CAPN7: variants seen among roughly 807,000 people sequenced by gnomAD.
CAPN7 encodes the protein calpain 7, also known as calpain-7.
CAPN7 carries 72 observed loss-of-function variants against 115.2 expected under a neutral mutation model. The ratio of observed to expected loss-of-function variants is 0.63; its 90% CI spans 0.52 to 0.76. CAPN7 has a LOEUF of 0.76. Among genes scored for constraint, CAPN7 ranks in the 30% least tolerant of loss-of-function variants. CAPN7 has a pLI of 0.00. For synonymous variants in CAPN7, 344 were observed against 322.3 expected (o/e 1.07, Z -0.72); for missense variants, 905 against 971.5 (o/e 0.93, Z 0.91).
intron 7 of CAPN7, 120 bp downstream of exon 7, chr3:15,228,085 A>C (rs1412430291): frequency 1.6e-6 from 1 of 622,766 alleles, no homozygotes; most frequent in Non-Finnish European, 2.4e-6. Flanking sequence ...TGTAATTGGA[A>C]AAATTGTTCA....
intron 9 of CAPN7, among the ~76,000 whole-genome samples, chr3:15,231,837 T>C (rs1694709822): frequency 6.6e-6 from 1 of 152,318 alleles, no homozygotes; most frequent in Middle Eastern, 3.4e-3. Flanking sequence ...CTCAGATCAC[T>C]TTTTAATATG....
chr3:15,217,734 G>T (rs939185543), intron 3 of CAPN7, 152 bp downstream of exon 3: 1 of 535,680 alleles, frequency 1.9e-6, no homozygotes, highest in Non-Finnish European at 3.0e-6. Flanking sequence ...ATAAGATGAT[G>T]AGTAGAAAGC....
chr3:15,248,982 C>T (rs536763034), intron 19 of CAPN7, among the ~76,000 whole-genome samples: 57 of 126,266 alleles, frequency 4.5e-4, no homozygotes, highest in Non-Finnish European at 7.9e-4. Context: ...GTTGACAGAG[C>T]GAGACCCTGT....
intron 19 of CAPN7, among the ~76,000 whole-genome samples, chr3:15,247,810 T>A (rs1347804087): frequency 6.6e-6 from 1 of 152,212 alleles, no homozygotes; most frequent in Admixed American, 6.5e-5. Flanking sequence ...TTTGTAAATA[T>A]GCTGCATTGA....
In CAPN7 at chr3:15,246,738, T is replaced by C. The variant is rs1204650618; in HGVS notation, c.2017T>C (p.Ser673Pro). ...AGTCTTTTTTTAAATCTAGGTATAT[T>C]CAGCATGCAGCTTTACTTTTTCAAA... ...NTIHYTVRVY[S>P]ACSFTFSKIP... The change falls in exon 18 of 21, where the codon TCA (serine) becomes CCA (proline). Residue 673 changes from serine (S) to proline (P), a missense_variant. Physicochemically the swap from Ser to Pro is moderately conservative, Grantham distance 74 (BLOSUM62 -1). Coordinates refer to ENST00000253693, the MANE Select transcript of CAPN7 (RefSeq NM_014296.3). The C allele has an allele frequency of 6.2e-7, 1 of 1,601,360 alleles. No homozygotes were observed. Among genetic ancestry groups the C allele is most frequent in the African/African-American group, 1.3e-5 (1 of 74,524 alleles).
At chr3:15,231,049 T>G (rs372020234) in intron 9 of CAPN7, among the ~76,000 whole-genome samples, 2 of 152,180 alleles carry the variant, frequency 1.3e-5, no homozygotes, top group African/African-American at 2.4e-5. Flanking sequence ...CATGTTGAGA[T>G]CCATGCAGCA....
intron 14 of CAPN7, 99 bp from the exon 15 acceptor site, chr3:15,241,354 C>G: frequency 7.8e-7 from 1 of 1,288,284 alleles, no homozygotes; most frequent in South Asian, 1.6e-5. Flanking sequence ...AAAACAAAAC[C>G]AAAAACTTGG....
intron 2 of CAPN7, among the ~76,000 whole-genome samples, chr3:15,216,748 T>C (rs1286546978): frequency 2.0e-5 from 3 of 152,170 alleles, no homozygotes; most frequent in Non-Finnish European, 4.4e-5. Context: ...TTTTGTTTTG[T>C]CTTTTGAGGT....
chr3:15,210,322 A>G (rs758876128), intron 1 of CAPN7, among the ~76,000 whole-genome samples: 19 of 152,130 alleles, frequency 1.2e-4, no homozygotes, highest in Non-Finnish European at 2.6e-4. Flanking sequence ...AATCACATAC[A>G]AGATAACTGA....
rs1693710042 is a variant in CAPN7 at position 15,217,568 on chromosome 3, C to T, written c.355C>T (p.Leu119Phe). 1 of 1,612,124 alleles carries T rather than the reference C, an allele frequency of 6.2e-7. No homozygotes were observed. Among genetic ancestry groups the T allele is most frequent in the African/African-American group, 1.3e-5 (1 of 74,816 alleles). ...AGAATTGTACACAGAAGCTGTGGAT[C>T]TCTGTCTGAAAACAGTGTGTATAGC... ...AIELYTEAVD[L>F]CLKTSYETAD... Residue 119 changes from leucine to phenylalanine, a missense_variant, in exon 3 of 21, where the codon CTC (leucine) becomes TTC (phenylalanine). By Grantham distance (22) the Leu-to-Phe change is conservative. This residue lies in a region of CAPN7 where 271 missense variants were observed against 239.6 expected (regional missense o/e 1.13). Coordinates refer to ENST00000253693, the MANE Select transcript of CAPN7 (RefSeq NM_014296.3).
chr3:15,240,589 T>A lies in CAPN7; in HGVS notation c.1524T>A (p.Asp508Glu). ...AGTTGCAAAAGTATTTAAACTTTGA[T>A]CCCCGAACAGCTCAGAAAATAGACA... ...TPELQKYLNF[D>E]PRTAQKIDNG... Residue 508 changes from aspartate to glutamate, a missense_variant, in exon 13 of 21, where the codon GAT becomes GAA. Asp to Glu is a conservative substitution (Grantham distance 45). Around this residue, in one of 3 missense-constraint regions of CAPN7, gnomAD observed 620 missense variants for 703.4 expected, o/e 0.88. Coordinates refer to ENST00000253693, the MANE Select transcript of CAPN7 (RefSeq NM_014296.3). 1 of 1,608,844 alleles carries A rather than the reference T, an allele frequency of 6.2e-7. No homozygotes were observed. Among genetic ancestry groups the A allele is most frequent in the Non-Finnish European group, 8.5e-7 (1 of 1,178,658 alleles).
At chr3:15,220,276 A>G (rs1471648804) in intron 4 of CAPN7, among the ~76,000 whole-genome samples, 2 of 152,302 alleles carry the variant, frequency 1.3e-5, no homozygotes, top group Admixed American at 6.5e-5. Context: ...ACGTTTGTAC[A>G]TGTTCTTCTG....
At chr3:15,224,263 A>C (rs530329034) in intron 6 of CAPN7, among the ~76,000 whole-genome samples, 84 of 140,822 alleles carry the variant, frequency 6.0e-4, no homozygotes, top group South Asian at 1.9e-3. Context: ...ATGATGTCCC[A>C]AATTTTTTTT....
intron 3 of CAPN7, 90 bp from the exon 4 acceptor site, chr3:15,218,383 T>C (rs1011733479): frequency 1.0e-5 from 8 of 803,254 alleles, no homozygotes; most frequent in South Asian, 4.5e-5. Flanking sequence ...AAGTGTAATA[T>C]GCATTGTAAA....
At chr3:15,215,632 T>C (rs991107134) in intron 2 of CAPN7, among the ~76,000 whole-genome samples, 16 of 152,400 alleles carry the variant, frequency 1.0e-4, no homozygotes, top group African/African-American at 3.8e-4. Context: ...GTTTAATGTT[T>C]GCAAGATTTT....
chr3:15,241,008 C>T lies in CAPN7; in HGVS notation c.1652+155C>T, dbSNP rs563180126. Among the ~76,000 whole-genome samples, 9 of 152,212 alleles carry T rather than the reference C, an allele frequency of 5.9e-5. No individual in the cohort carries two copies. The East Asian group carries it at 1.7e-3, about 29-fold the overall frequency. ...TCAGTTGACCTCAGGAGTTCTAGAC[C>T]AGGTTGGGCAACATGGCAAAACCTT... On this transcript the variant is annotated intron_variant, in intron 14 of 20. Coordinates refer to ENST00000253693, the MANE Select transcript of CAPN7 (RefSeq NM_014296.3).
intron 12 of CAPN7, among the ~76,000 whole-genome samples, chr3:15,237,761 C>G (rs1695079479): frequency 6.6e-6 from 1 of 151,902 alleles, no homozygotes. Flanking sequence ...CTTGAGGCCA[C>G]GAGTTCAAGA....
intron 2 of CAPN7, among the ~76,000 whole-genome samples, chr3:15,213,935 A>G (rs1218628668): frequency 1.3e-5 from 2 of 148,486 alleles, no homozygotes; most frequent in Non-Finnish European, 3.0e-5. Flanking sequence ...GCTGGAGTGC[A>G]GTGGCGCGAT....
chr3:15,214,214 T>TGG (rs1163461143), intron 2 of CAPN7, among the ~76,000 whole-genome samples: 1 of 152,194 alleles, frequency 6.6e-6, no homozygotes, highest in Non-Finnish European at 1.5e-5. Flanking sequence ...CATAGCTTGT[T>TGG]TTACCAACTT....
Sources: allele counts gnomAD v4.1 joint callset (sites outside exome capture counted in the v4.1 genomes callset), GRCh38; gene constraint gnomAD v4.1.1; regional missense constraint gnomAD v4.1.1; transcripts MANE v1.5; gene names NCBI Gene and HGNC (gene_info 2026-07-23, HGNC 2026-07-21).